Variants in ABR observed in about 807,000 individuals in gnomAD.
ABR encodes the protein active breakpoint cluster region-related protein.
ABR carries 35 observed loss-of-function variants against 107.2 expected under a neutral mutation model. The observed-to-expected ratio is 0.33, with a 90% CI of 0.25 to 0.43. ABR has a LOEUF of 0.43. Among genes scored for constraint, ABR ranks in the 20% least tolerant of loss-of-function variants. ABR has a pLI of 1.00. For missense variants in ABR, 815 were observed against 1,115.2 expected (o/e 0.73, Z 3.83); for synonymous variants, 498 against 462.0 (o/e 1.08, Z -1.00).
chr17:1,075,246 C>A (rs1441162197), intron 6 of ABR, among the ~76,000 whole-genome samples: 1 of 152,260 alleles, frequency 6.6e-6, no homozygotes, highest in Admixed American at 6.5e-5. Context: ...CAGTCCTGCA[C>A]CTGGATGCTC....
intron 16 of ABR, among the ~76,000 whole-genome samples, chr17:1,039,140 C>A (rs2073422670): frequency 6.6e-6 from 1 of 152,182 alleles, no homozygotes; most frequent in South Asian, 2.1e-4. Flanking sequence ...GTTCTCAGGG[C>A]CTGACTGCAT....
chr17:1,023,540 C>T (rs1365476539), intron 16 of ABR, among the ~76,000 whole-genome samples: 1 of 134,468 alleles, frequency 7.4e-6, no homozygotes, highest in Admixed American at 7.9e-5. Context: ...AGAAAAGGAA[C>T]AGGCCAGGGC....
chr17:1,084,830 T>TG lies in ABR; in HGVS notation c.532-1204dup, dbSNP rs1436740089. 1.3e-5 allele frequency among the ~76,000 whole-genome samples: 2 copies of TG among 152,202 alleles called. No homozygotes were observed. Among genetic ancestry groups the TG allele is most frequent in the Admixed American group, 6.5e-5 (1 of 15,276 alleles). Reference sequence around the variant, plus strand: ...CCCTGTTTTTGTTTTTGTTTTGAGATGGAGTTTCGCTCTTGTTGCCCAGGC... The same window carrying TG: ...CCCTGTTTTTGTTTTTGTTTTGAGATGGGAGTTTCGCTCTTGTTGCCCAGGC... On this transcript the variant is annotated intron_variant, in intron 4 of 22. Coordinates refer to ENST00000302538, the MANE Select transcript of ABR (RefSeq NM_021962.5). This position sits in a 1 kb window ranked among gnomAD's most constrained non-coding sequence, Gnocchi z 4.2.
intron 10 of ABR, among the ~76,000 whole-genome samples, chr17:1,065,950 G>T (rs1434588036): frequency 6.6e-6 from 1 of 152,098 alleles, no homozygotes; most frequent in Admixed American, 6.6e-5. Flanking sequence ...TCACCATGTT[G>T]GCCAGGCTGG....
chr17:1,167,058 A>G (rs2041540818), intron 1 of ABR, among the ~76,000 whole-genome samples: 1 of 152,078 alleles, frequency 6.6e-6, no homozygotes, highest in Admixed American at 6.5e-5. Flanking sequence ...CGGACCTGCC[A>G]AATCAAAATG....
chr17:1,162,141 A>G (rs11247581), intron 1 of ABR, among the ~76,000 whole-genome samples: 56,922 of 152,176 alleles, frequency 0.37, 14,305 homozygotes, highest in African/African-American at 0.7. Flanking sequence ...GAGGATGTGA[A>G]AAGACTCAGT....
intron 1 of ABR, among the ~76,000 whole-genome samples, chr17:1,144,917 G>A (rs1175925208): frequency 6.6e-6 from 1 of 152,138 alleles, no homozygotes; most frequent in African/African-American, 2.4e-5. Context: ...TACTCGGGAG[G>A]CTGTGGCAGG....
At position 1,157,053 on chromosome 17, in the gene ABR, G is replaced by A. The variant is rs1218816338; in HGVS notation, c.61+22614C>T. On this transcript the variant is annotated intron_variant, in intron 1 of 22. Coordinates refer to ENST00000302538, the MANE Select transcript of ABR (RefSeq NM_021962.5). The surrounding 1 kb of genome is among the most constrained non-coding windows in gnomAD (Gnocchi z 4.7). ...CACACATACGATAAGTTAACTCACC[G>A]CAGCCTCACACCGCGCCAGGAGGCA... Among the ~76,000 whole-genome samples the A allele has an allele frequency of 2.0e-5, 3 of 152,126 alleles. No individual in the cohort carries two copies. Among genetic ancestry groups the A allele is most frequent in the African/African-American group, 2.4e-5 (1 of 41,406 alleles).
intron 1 of ABR, among the ~76,000 whole-genome samples, chr17:1,158,247 T>G (rs1444557009): frequency 6.6e-6 from 1 of 152,038 alleles, no homozygotes; most frequent in Non-Finnish European, 1.5e-5. Context: ...TATTCTTTTT[T>G]TAAATTTGTA....
At chr17:1,062,841 G>A (rs2034181092) in intron 10 of ABR, among the ~76,000 whole-genome samples, 2 of 143,798 alleles carry the variant, frequency 1.4e-5, no homozygotes, top group Non-Finnish European at 3.1e-5. Flanking sequence ...CTGTTGTTAT[G>A]TGAACTGAGG....
intron 10 of ABR, among the ~76,000 whole-genome samples, chr17:1,059,866 G>C (rs1308367191): frequency 6.6e-6 from 1 of 152,142 alleles, no homozygotes; most frequent in Non-Finnish European, 1.5e-5. Context: ...GACACTGTGG[G>C]GGACAGTCAC....
rs958052955 is a variant in ABR at position 1,070,768 on chromosome 17, G to C, written c.895-678C>G. 2.6e-5 allele frequency among the ~76,000 whole-genome samples: 4 copies of C among 152,202 alleles called. No individual in the cohort carries two copies. The highest frequency in any genetic ancestry group is 9.6e-5 in the African/African-American group (4 of 41,460). On this transcript the variant is annotated intron_variant, in intron 8 of 22. Transcript: ENST00000302538. This position sits in a 1 kb window ranked among gnomAD's most constrained non-coding sequence, Gnocchi z 4.2. ...CCAGAGTTTCCAACCCCCGCTCAGA[G>C]CCGGGGGGTCGTCCCCATCTGTGCC...
intron 1 of ABR, among the ~76,000 whole-genome samples, chr17:1,139,091 G>T (rs781663099): frequency 4.0e-5 from 6 of 150,302 alleles, no homozygotes; most frequent in Non-Finnish European, 7.4e-5. Context: ...AGGGAAAGGA[G>T]TAACAGTAAA....
intron 6 of ABR, chr17:1,079,039 G>A: frequency 2.8e-6 from 4 of 1,440,792 alleles, no homozygotes; most frequent in Non-Finnish European, 3.6e-6. Flanking sequence ...GGCGAGGAGA[G>A]GAGGGAAGGG....
chr17:1,009,795 G>T lies in ABR; in HGVS notation c.2237-11C>A. 1 of 1,611,904 alleles carries T rather than the reference G, an allele frequency of 6.2e-7. No homozygotes were observed. Among genetic ancestry groups the T allele is most frequent in the Non-Finnish European group, 8.5e-7 (1 of 1,178,214 alleles). ...CAGGGTCTGACAGGGCTGTGGGAGAGAAGGGCCAGTGTGGCGTTTGGCTCC... is the reference window on the plus strand; with the variant it reads ...CAGGGTCTGACAGGGCTGTGGGAGATAAGGGCCAGTGTGGCGTTTGGCTCC... On this transcript the variant is annotated splice_polypyrimidine_tract_variant and intron_variant, in intron 20 of 22. Coordinates refer to ENST00000302538, the MANE Select transcript of ABR (RefSeq NM_021962.5).
chr17:1,187,609 G>A (rs2042336272), upstream of ABR, among the ~76,000 whole-genome samples: 1 of 152,356 alleles, frequency 6.6e-6, no homozygotes, highest in South Asian at 2.1e-4. Flanking sequence ...CCTCAAATGG[G>A]CCGGGTGTGG....
Position 1,229,539 on chromosome 17 carries a change from G to T in ABR, c.92C>A (p.Ala31Glu), listed in dbSNP as rs115520784. Among the ~76,000 whole-genome samples, 12,151 of 152,044 alleles carry T rather than the reference G, an allele frequency of 0.08. 1,459 individuals carry two copies. Among genetic ancestry groups the T allele is most frequent in the African/African-American group, 0.26 (10,658 of 41,474 alleles). ...TCTGCGGCGCTCCAGCTCCCGCTCCGCGTCCCGCACCGACTCCAGCCTCGG... is the reference window on the plus strand; with the variant it reads ...TCTGCGGCGCTCCAGCTCCCGCTCCTCGTCCCGCACCGACTCCAGCCTCGG... The change falls in exon 1 of 23, where the codon GCG becomes GAG. Residue 31 changes from alanine (A) to glutamate (E), a missense_variant. By Grantham distance (107) the Ala-to-Glu change is moderately radical. Coordinates refer to the ABR transcript ENST00000574139.
intron 16 of ABR, among the ~76,000 whole-genome samples, chr17:1,024,981 C>T (rs1290437143): frequency 1.3e-5 from 2 of 149,782 alleles, no homozygotes; most frequent in Non-Finnish European, 3.0e-5. Context: ...ATTAGCTGGG[C>T]GAGGTGGCGG....
At chr17:1,042,744 C>T (rs2030853637) in intron 16 of ABR, among the ~76,000 whole-genome samples, 1 of 151,952 alleles carries the variant, frequency 6.6e-6, no homozygotes, top group South Asian at 2.1e-4. Flanking sequence ...ATGGCACCTA[C>T]ATTCACGGAC....
Sources: allele counts gnomAD v4.1 joint callset (sites outside exome capture counted in the v4.1 genomes callset), GRCh38; gene constraint gnomAD v4.1.1; non-coding constraint Gnocchi (gnomAD v3.1); transcripts MANE v1.5; gene names NCBI Gene and HGNC (gene_info 2026-07-23, HGNC 2026-07-21).